Variants in ZFAND6 observed in about 807,000 individuals in gnomAD.
ZFAND6 encodes zinc finger AN1-type containing 6, also known as AN1-type zinc finger protein 6.
ZFAND6 carries 12 observed loss-of-function variants against 24.5 expected under a neutral mutation model. That is an observed-to-expected ratio of 0.49 (90% confidence interval 0.31 to 0.79). The LOEUF (loss-of-function observed/expected upper bound fraction) is 0.79, where lower values mean the gene tolerates loss of function less well. Among genes scored for constraint, ZFAND6 ranks in the 30% least tolerant of loss-of-function variants. The pLI, the probability that ZFAND6 is intolerant of heterozygous loss-of-function variation, is 0.04. For synonymous variants in ZFAND6, 92 were observed against 81.5 expected, an observed-to-expected ratio of 1.13 and a Z score of -0.69; for missense variants, 207 against 245.9, an observed-to-expected ratio of 0.84 and a Z score of 1.06.
intron 1 of ZFAND6, among the ~76,000 whole-genome samples, chr15:80,078,444 T>C (rs1414841649): frequency 6.6e-6 from 1 of 152,258 alleles, no homozygotes; most frequent in Non-Finnish European, 1.5e-5. Flanking sequence ...ACATTTTCTT[T>C]ATGTAGTCCA....
chr15:80,068,266 G>A (rs1489725993), intron 1 of ZFAND6, among the ~76,000 whole-genome samples: 2 of 151,794 alleles, frequency 1.3e-5, no homozygotes, highest in South Asian at 4.1e-4. Context: ...TCCCACCTCA[G>A]CCTCCTAAGT....
chr15:80,076,443 C>G (rs2037283750), intron 1 of ZFAND6, among the ~76,000 whole-genome samples: 3 of 151,888 alleles, frequency 2.0e-5, no homozygotes, highest in South Asian at 2.1e-4. Flanking sequence ...GATGACTAAA[C>G]ACCCCCCTAA....
chr15:80,092,256 G>A (rs1216427685), intron 1 of ZFAND6, among the ~76,000 whole-genome samples: 1 of 151,372 alleles, frequency 6.6e-6, no homozygotes, highest in African/African-American at 2.4e-5. Context: ...AGGGATCAAG[G>A]TGGGTGGATC....
chr15:80,066,688 A>G (rs1290605584), intron 1 of ZFAND6, among the ~76,000 whole-genome samples: 2 of 151,968 alleles, frequency 1.3e-5, no homozygotes, highest in African/African-American at 4.8e-5. Context: ...CTTGATGTCA[A>G]GAGTTCAAGA....
rs1343753397 is a variant in ZFAND6, at chr15:80,137,514, T to C, written c.513T>C (p.Gly171=). Residue 171 remains glycine, a synonymous_variant, in exon 7 of 7, where the codon GGT becomes GGC. Transcript: ENST00000261749. The part of the protein sequence containing the change: ...FECRCGNVYC[G]VHRYSDVHNC... ...GCCGGTGTGGAAATGTTTACTGTGG[T>C]GTACACCGTTACTCAGATGTACACA... 1 of 1,606,590 alleles carries C rather than the reference T, an allele frequency of 6.2e-7. No homozygotes were observed.
intron 5 of ZFAND6, chr15:80,130,838 A>G: frequency 4.7e-6 from 1 of 211,688 alleles, no homozygotes; most frequent in Non-Finnish European, 9.3e-6. Flanking sequence ...ATTGTCTTGC[A>G]CACTCCCTTA....
At chr15:80,123,270 G>C (rs1044147708) in intron 5 of ZFAND6, among the ~76,000 whole-genome samples, 2 of 152,262 alleles carry the variant, frequency 1.3e-5, no homozygotes, top group African/African-American at 4.8e-5. Flanking sequence ...TCACAGCATG[G>C]TATCTATCGT....
chr15:80,115,319 C>G (rs2039822956), intron 2 of ZFAND6, among the ~76,000 whole-genome samples: 1 of 152,154 alleles, frequency 6.6e-6, no homozygotes, highest in African/African-American at 2.4e-5. Context: ...GAATTCTCTT[C>G]AATTCATAGG....
chr15:80,066,650 A>T (rs1345885231), intron 1 of ZFAND6, among the ~76,000 whole-genome samples: 2 of 151,962 alleles, frequency 1.3e-5, no homozygotes, highest in African/African-American at 4.8e-5. Flanking sequence ...ATTTTGTGAA[A>T]ATTGCTTTGC....
intron 2 of ZFAND6, among the ~76,000 whole-genome samples, chr15:80,109,577 G>A (rs899931845): frequency 2.0e-5 from 3 of 152,170 alleles, no homozygotes; most frequent in African/African-American, 7.2e-5. Flanking sequence ...AGGAAGGGGA[G>A]TAAAAGAGGA....
intron 1 of ZFAND6, among the ~76,000 whole-genome samples, chr15:80,068,450 C>T (rs1349165469): frequency 6.6e-6 from 1 of 152,004 alleles, no homozygotes; most frequent in African/African-American, 2.4e-5. Context: ...CGGCTAACTG[C>T]AGCCTCCAGC....
At chr15:80,101,462 C>G (rs1052168344) in intron 2 of ZFAND6, among the ~76,000 whole-genome samples, 1 of 151,262 alleles carries the variant, frequency 6.6e-6, no homozygotes, top group Non-Finnish European at 1.5e-5. Context: ...GACTCCATCT[C>G]AAAGAAAAAA....
At chr15:80,083,190 A>G (rs902301763) in intron 1 of ZFAND6, among the ~76,000 whole-genome samples, 6 of 152,032 alleles carry the variant, frequency 3.9e-5, no homozygotes, top group African/African-American at 1.4e-4. Flanking sequence ...ACGGGGTTTC[A>G]CCGTGTTAGC....
At chr15:80,090,878 T>A (rs889788441) in intron 1 of ZFAND6, among the ~76,000 whole-genome samples, 7 of 152,220 alleles carry the variant, frequency 4.6e-5, no homozygotes, top group African/African-American at 1.4e-4. Context: ...TTTTGGAATA[T>A]TTTAGAAATA....
chr15:80,132,491 G>A, intron 6 of ZFAND6, among the ~76,000 whole-genome samples: 1 of 152,162 alleles, frequency 6.6e-6, no homozygotes, highest in East Asian at 1.9e-4. Context: ...GTGGCAAAAA[G>A]TTACTGTGGT....
At chr15:80,126,792 C>A (rs2142035070) in intron 5 of ZFAND6, among the ~76,000 whole-genome samples, 1 of 152,284 alleles carries the variant, frequency 6.6e-6, no homozygotes, top group Middle Eastern at 3.4e-3. Context: ...AATTGAGCTA[C>A]ATCAAAATAA....
At chr15:80,109,933 G>A (rs112963407) in intron 2 of ZFAND6, among the ~76,000 whole-genome samples, 220 of 152,316 alleles carry the variant, frequency 1.4e-3, no homozygotes, top group African/African-American at 4.9e-3. Context: ...GTTTCATGAG[G>A]TTGCAGTTCA....
intron 1 of ZFAND6, among the ~76,000 whole-genome samples, chr15:80,065,030 C>CA (rs1044453501): frequency 1.2e-5 from 1 of 86,020 alleles, no homozygotes; most frequent in East Asian, 4.0e-4. Context: ...TTTAACAAAA[C>CA]AAAAAAACAG....
intron 1 of ZFAND6, among the ~76,000 whole-genome samples, chr15:80,062,230 A>G (rs1010949213): frequency 4.6e-5 from 7 of 152,146 alleles, no homozygotes; most frequent in African/African-American, 1.4e-4. Context: ...TTATCCTTCC[A>G]CTTTTGCACA....
Sources: gnomAD v4.1 joint callset for allele counts (sites outside exome capture counted in the v4.1 genomes callset) on GRCh38, gnomAD v4.1.1 for gene constraint, MANE v1.5 for transcripts, NCBI Gene and HGNC (gene_info 2026-07-23, HGNC 2026-07-21) for gene names.